The following GRB7 variants were observed in gnomAD, a reference collection of about 807,000 sequenced individuals.
GRB7 encodes the protein growth factor receptor bound protein 7.
Under a neutral mutation model 64.1 loss-of-function variants are expected in GRB7, and 47 were observed. The observed-to-expected ratio is 0.73, with a 90% CI of 0.58 to 0.94. The LOEUF (loss-of-function observed/expected upper bound fraction) is 0.94. Ranked by LOEUF, GRB7 falls within the 40% of genes least tolerant of loss-of-function variation. The pLI is 0.00. For synonymous variants in GRB7, 277 were observed against 279.9 expected, an observed-to-expected ratio of 0.99 and a Z score of 0.10; for missense variants, 634 against 718.4, an observed-to-expected ratio of 0.88 and a Z score of 1.34.
rs763562760 is a variant in GRB7 at position 39,746,729 on chromosome 17, C to T, written c.1453-22C>T. The stretch of plus-strand genomic sequence containing the variant: ...AGCCTCGGGCCCCTCCCTGAACTTC[C>T]ACCCCCTTTACTGTACCCCAGAGCG... On this transcript the variant is annotated intron_variant, in intron 14 of 14. Transcript: ENST00000309156. The T allele has an allele frequency of 8.1e-6, 13 of 1,610,604 alleles. No homozygotes were observed. The South Asian group carries it at 1.1e-4, about 14-fold the overall frequency.
chr17:39,745,209 C>A, intron 9 of GRB7, 34 bp from the exon 10 acceptor site: 3 of 1,542,734 alleles, frequency 1.9e-6, no homozygotes, highest in South Asian at 1.2e-5. Context: ...CAGGACCTCT[C>A]GACCTCAAGC....
In GRB7 at chr17:39,746,951, C is replaced by T. The variant is rs868064889; in HGVS notation, c.*54C>T. Reference sequence around the variant, plus strand: ...CCCGCCTTCAGGCTGCCCGCCGCCCCTCCACCCATCCAGTGGACTCTGGGG... The same window carrying T: ...CCCGCCTTCAGGCTGCCCGCCGCCCTTCCACCCATCCAGTGGACTCTGGGG... On this transcript the variant is annotated 3_prime_UTR_variant, in exon 15 of 15. Transcript: ENST00000309156. The T allele has an allele frequency of 1.3e-6, 2 of 1,559,836 alleles. No individual in the cohort carries two copies. Among genetic ancestry groups the T allele is most frequent in the Non-Finnish European group, 1.7e-6 (2 of 1,154,132 alleles).
At chr17:39,741,021 G>A (rs2059990231) in intron 1 of GRB7, among the ~76,000 whole-genome samples, 2 of 152,202 alleles carry the variant, frequency 1.3e-5, no homozygotes, top group Non-Finnish European at 2.9e-5. Context: ...GGGTTCCTGC[G>A]GAGAAGGTGC....
Position 39,746,980 on chromosome 17 carries a change from G to C in GRB7, c.*83G>C. 3 of 1,448,150 alleles carry C rather than the reference G, an allele frequency of 2.1e-6. No individual in the cohort carries two copies. The highest frequency in any genetic ancestry group is 2.8e-6 in the Non-Finnish European group (3 of 1,067,350). 89.7% of individuals were successfully genotyped at this position (1,448,150 alleles called of 1,614,324 possible). On this transcript the variant is annotated 3_prime_UTR_variant, in exon 15 of 15. Coordinates refer to ENST00000309156, the MANE Select transcript of GRB7 (RefSeq NM_005310.5). Reference sequence around the variant, plus strand: ...ACCCATCCAGTGGACTCTGGGGCGCGGCCACAGGGGACGGGATGAGGAGCG... The same window carrying C: ...ACCCATCCAGTGGACTCTGGGGCGCCGCCACAGGGGACGGGATGAGGAGCG...
intron 6 of GRB7, 33 bp downstream of exon 6, chr17:39,743,503 C>A: frequency 6.4e-7 from 1 of 1,550,654 alleles, no homozygotes; most frequent in Non-Finnish European, 8.9e-7. Context: ...TGCAGATTCA[C>A]GACTCCCCAG....
chr17:39,744,420 T>C, intron 7 of GRB7, 133 bp from the exon 8 acceptor site: 1 of 849,748 alleles, frequency 1.2e-6, no homozygotes, highest in Non-Finnish European at 1.9e-6. Context: ...CTGGCTCTAC[T>C]TCTATTTGCT....
At position 39,742,944 on chromosome 17, in the gene GRB7, TGGCAGCAG is replaced by T. The variant is rs1326022237; in HGVS notation, c.355_362del (p.Ala119CysfsTer8). 6.2e-7 allele frequency: 1 copy of T among 1,612,072 alleles called. No homozygotes were observed. Among genetic ancestry groups the T allele is most frequent in the Non-Finnish European group, 8.5e-7 (1 of 1,178,920 alleles). ...GATGGGGCCTGCAGGTCTGTGGAGGTGGCAGCAGGTGCCACAGCTCGCCACGTGTGTGA... is the reference window on the plus strand; with the variant it reads ...GATGGGGCCTGCAGGTCTGTGGAGGTGTGCCACAGCTCGCCACGTGTGTGA... On this transcript the variant is annotated frameshift_variant, in exon 4 of 15. Coordinates refer to ENST00000309156, the MANE Select transcript of GRB7 (RefSeq NM_005310.5). LOFTEE classifies it high-confidence loss of function.
intron 11 of GRB7, 88 bp downstream of exon 11, chr17:39,745,626 G>A: frequency 1.3e-6 from 2 of 1,560,186 alleles, no homozygotes; most frequent in Admixed American, 3.3e-5. Context: ...AGAGAGGGCG[G>A]GGGGAGGCCC....
chr17:39,738,683 C>T (rs1485720989), intron 1 of GRB7: 1 of 462,646 alleles, frequency 2.2e-6, no homozygotes. Context: ...AGCCCCTCCC[C>T]GCACACCCGG....
At chr17:39,745,359 C>A in intron 10 of GRB7, 36 bp downstream of exon 10, 1 of 1,604,224 alleles carries the variant, frequency 6.2e-7, no homozygotes, top group South Asian at 1.1e-5. Flanking sequence ...GGTGGGTATG[C>A]AGGCCCTGTC....
Position 39,742,993 on chromosome 17 carries a change from A to G in GRB7, c.402A>G (p.Arg134=), listed in dbSNP as rs113133601. Residue 134 remains arginine, a synonymous_variant, in exon 4 of 15, where the codon CGA becomes CGG. Coordinates refer to ENST00000309156, the MANE Select transcript of GRB7 (RefSeq NM_005310.5). ...ACGTGTGTGAAATGCTGGTGCAGCG[A>G]GCTCACGCCTTGAGCGACGAGACCT... ...ARHVCEMLVQ[R]AHALSDETWG... The G allele has an allele frequency of 3.7e-6, 6 of 1,613,272 alleles. No homozygotes were observed. Among genetic ancestry groups the G allele is most frequent in the East Asian group, 4.5e-5 (2 of 44,870 alleles).
chr17:39,741,481 T>C (rs940239112), intron 1 of GRB7, among the ~76,000 whole-genome samples: 13 of 152,218 alleles, frequency 8.5e-5, no homozygotes, highest in African/African-American at 3.1e-4. Flanking sequence ...ACTCATCACT[T>C]GGGCAGGCCA....
intron 1 of GRB7, chr17:39,740,231 G>A (rs1026163215): frequency 2.2e-6 from 2 of 922,484 alleles, no homozygotes; most frequent in Non-Finnish European, 2.6e-6. Context: ...TGAGGTGCTG[G>A]TGTCTCTTGC....
At chr17:39,739,864 C>A in intron 1 of GRB7, 1 of 337,196 alleles carries the variant, frequency 3.0e-6, no homozygotes, top group Non-Finnish European at 4.2e-6. Flanking sequence ...GCTGCCAGGC[C>A]CACAGCCAGG....
Position 39,746,781 on chromosome 17 carries a change from A to C in GRB7, c.1483A>C (p.Met495Leu). The C allele has an allele frequency of 6.2e-7, 1 of 1,614,072 alleles. No homozygotes were observed. Among genetic ancestry groups the C allele is most frequent in the Non-Finnish European group, 8.5e-7 (1 of 1,180,018 alleles). Residue 495 changes from methionine to leucine, a missense_variant, in exon 15 of 15, where the codon ATG (methionine) becomes CTG (leucine). Met to Leu is a conservative substitution (Grantham distance 15). Coordinates refer to ENST00000309156, the MANE Select transcript of GRB7 (RefSeq NM_005310.5). ...GGAGGAGGGCCGCCTGTACTTCAGC[A>C]TGGATGATGGCCAGACCCGCTTCAC... Reference protein sequence around the residue: ...SEEEGRLYFSMDDGQTRFTDL... With the variant: ...SEEEGRLYFSLDDGQTRFTDL...
chr17:39,743,103 T>A lies in GRB7; in HGVS notation c.463+49T>A, dbSNP rs201022291. ...CCGGGCTGGGAGATGATGCCTTGCA[T>A]CTTGGGCTAGGCATGTGGCTCATCC... On this transcript the variant is annotated intron_variant, in intron 4 of 14. Coordinates refer to ENST00000309156, the MANE Select transcript of GRB7 (RefSeq NM_005310.5). The A allele has an allele frequency of 3.4e-5, 54 of 1,599,034 alleles. No homozygotes were observed. In the East Asian group the frequency reaches 1.2e-3, roughly 36 times the overall value.
At chr17:39,741,405 C>T (rs1190490435) in intron 1 of GRB7, among the ~76,000 whole-genome samples, 1 of 152,216 alleles carries the variant, frequency 6.6e-6, no homozygotes. Flanking sequence ...CCTTGCACTG[C>T]AGCGGAGCCC....
At chr17:39,741,668 C>T (rs1241752513) in intron 1 of GRB7, among the ~76,000 whole-genome samples, 1 of 152,204 alleles carries the variant, frequency 6.6e-6, no homozygotes, top group Non-Finnish European at 1.5e-5. Context: ...CTGTTGTGAC[C>T]ACCAGGCTTG....
At chr17:39,738,517 C>G (rs952328035) in intron 1 of GRB7, 1 of 168,836 alleles carries the variant, frequency 5.9e-6, no homozygotes, top group East Asian at 1.6e-4. Flanking sequence ...TGTCCATTTC[C>G]CACCCTGCCC....
Sources: allele counts gnomAD v4.1 joint callset (sites outside exome capture counted in the v4.1 genomes callset), GRCh38; gene constraint gnomAD v4.1.1; transcripts MANE v1.5; gene names NCBI Gene and HGNC (gene_info 2026-07-23, HGNC 2026-07-21).